Variants in KDM3B observed in about 807,000 individuals in gnomAD.
KDM3B encodes lysine-specific demethylase 3B.
Under a neutral mutation model 170.0 loss-of-function variants are expected in KDM3B, and 10 were observed. The observed-to-expected ratio is 0.06, with a 90% confidence interval of 0.04 to 0.10. The LOEUF is 0.10. KDM3B is among the 10% of genes least tolerant of loss of function. The pLI is 1.00. For synonymous variants in KDM3B, 831 were observed against 834.8 expected, an observed-to-expected ratio of 1.00 and a Z score of 0.08; for missense variants, 1,394 against 2,195.2, an observed-to-expected ratio of 0.64 and a Z score of 7.29.
chr5:138,397,988 C>T, intron 9 of KDM3B, 190 bp from the exon 10 acceptor site: 1 of 538,304 alleles, frequency 1.9e-6, no homozygotes. Context: ...TTTAAAGAAT[C>T]TAGACCTACT....
chr5:138,434,293 T>C (rs998277155), intron 23 of KDM3B, among the ~76,000 whole-genome samples: 40 of 152,016 alleles, frequency 2.6e-4, no homozygotes, highest in Non-Finnish European at 5.0e-4. Flanking sequence ...CTCACGCCTG[T>C]AATCCCAACA....
chr5:138,355,260 G>A (rs1316357251), intron 1 of KDM3B, among the ~76,000 whole-genome samples: 2 of 152,006 alleles, frequency 1.3e-5, no homozygotes, highest in African/African-American at 4.8e-5. Context: ...GTAATTGAGG[G>A]TTGGATGAAT....
intron 15 of KDM3B, among the ~76,000 whole-genome samples, chr5:138,421,499 A>G (rs1039020438): frequency 1.3e-5 from 2 of 152,170 alleles, no homozygotes; most frequent in East Asian, 3.9e-4. Context: ...TCTTCAAACT[A>G]TATTCAGAAT....
At chr5:138,362,692 T>C (rs1444260394) in intron 1 of KDM3B, among the ~76,000 whole-genome samples, 1 of 149,292 alleles carries the variant, frequency 6.7e-6, no homozygotes, top group Non-Finnish European at 1.5e-5. Context: ...ATTATTTCTA[T>C]AATTTTATTA....
chr5:138,414,802 C>T (rs1236255263), intron 11 of KDM3B, among the ~76,000 whole-genome samples: 1 of 152,072 alleles, frequency 6.6e-6, no homozygotes, highest in Non-Finnish European at 1.5e-5. Flanking sequence ...CAAAAAAATA[C>T]AAACATTAGT....
chr5:138,355,538 T>C (rs1245498199), intron 1 of KDM3B, among the ~76,000 whole-genome samples: 1 of 152,244 alleles, frequency 6.6e-6, no homozygotes, highest in Non-Finnish European at 1.5e-5. Flanking sequence ...GACAAATTAC[T>C]CAGATGTTTA....
At chr5:138,394,634 CAAAG>C (rs1338387620) in intron 9 of KDM3B, among the ~76,000 whole-genome samples, 2 of 152,050 alleles carry the variant, frequency 1.3e-5, no homozygotes, top group African/African-American at 4.8e-5. Context: ...ATAGAATAAA[CAAAG>C]AAGGAAAAGG....
chr5:138,435,543 A>G (rs1422429759), intron 23 of KDM3B, 77 bp from the exon 24 acceptor site: 1 of 1,155,284 alleles, frequency 8.7e-7, no homozygotes. Flanking sequence ...CCACTAAACC[A>G]GTAGGCTTAC....
chr5:138,405,904 T>A (rs949039153), intron 11 of KDM3B, among the ~76,000 whole-genome samples: 1 of 152,194 alleles, frequency 6.6e-6, no homozygotes, highest in Non-Finnish European at 1.5e-5. Flanking sequence ...GAAGATAGAC[T>A]TTGATAAGTT....
At chr5:138,359,176 T>A (rs1263197036) in intron 1 of KDM3B, among the ~76,000 whole-genome samples, 6 of 152,022 alleles carry the variant, frequency 3.9e-5, no homozygotes, top group Admixed American at 6.6e-5. Flanking sequence ...TTATTTTTTT[T>A]TTTTAGACAC....
intron 1 of KDM3B, among the ~76,000 whole-genome samples, chr5:138,359,384 ACTC>A (rs1452607018): frequency 6.8e-6 from 1 of 147,168 alleles, no homozygotes; most frequent in African/African-American, 2.5e-5. Context: ...CTGGTCTTGA[ACTC>A]CTGACCTCAG....
Position 138,388,428 on chromosome 5 carries a change from C to T in KDM3B, c.1380+1807C>T, listed in dbSNP as rs369493551. On this transcript the variant is annotated intron_variant, in intron 7 of 23. Coordinates refer to ENST00000314358, the MANE Select transcript of KDM3B (RefSeq NM_016604.4). ...CGGGCGGATCACGAGGTCAGGAGATCGAGACCATCCTGGCTAACACGGTGA... is the reference window on the plus strand; with the variant it reads ...CGGGCGGATCACGAGGTCAGGAGATTGAGACCATCCTGGCTAACACGGTGA... Among the ~76,000 whole-genome samples the T allele has an allele frequency of 4.4e-3, 666 of 151,920 alleles. 1 individual carries two copies. The highest frequency in any genetic ancestry group is 0.011 in the African/African-American group (467 of 41,452).
At chr5:138,389,000 T>A (rs1229102667) in intron 7 of KDM3B, among the ~76,000 whole-genome samples, 1 of 152,248 alleles carries the variant, frequency 6.6e-6, no homozygotes, top group African/African-American at 2.4e-5. Flanking sequence ...ATCCAAATTA[T>A]TTTTCATTCA....
intron 14 of KDM3B, 24 bp from the exon 15 acceptor site, chr5:138,420,682 C>T: frequency 6.2e-7 from 1 of 1,612,396 alleles, no homozygotes; most frequent in Non-Finnish European, 8.5e-7. Context: ...GTACCTAATG[C>T]TGTTCCTGGT....
intron 3 of KDM3B, among the ~76,000 whole-genome samples, chr5:138,376,866 A>C (rs1055074544): frequency 6.6e-6 from 1 of 152,200 alleles, no homozygotes; most frequent in African/African-American, 2.4e-5. Flanking sequence ...GGACAAGTTA[A>C]TAGTTAAAAC....
At chr5:138,390,771 G>A (rs886974028) in intron 7 of KDM3B, among the ~76,000 whole-genome samples, 1 of 152,160 alleles carries the variant, frequency 6.6e-6, no homozygotes, top group African/African-American at 2.4e-5. Context: ...GGAATTGCAG[G>A]ATGAATGACA....
rs141005932 is a variant in KDM3B at position 138,381,021 on chromosome 5, C to T, written c.706-495C>T. 4.3e-3 allele frequency among the ~76,000 whole-genome samples: 655 copies of T among 152,176 alleles called. 2 individuals are homozygous for T. Among genetic ancestry groups the T allele is most frequent in the African/African-American group, 0.015 (628 of 41,532 alleles). On this transcript the variant is annotated intron_variant, in intron 5 of 23. Coordinates refer to ENST00000314358, the MANE Select transcript of KDM3B (RefSeq NM_016604.4). ...TCCTGATTCGCTGAGATTACAGACA[C>T]GCCACCACACCCAGCTAATTTTTTG...
rs1220021850 is a variant in KDM3B at position 138,425,272 on chromosome 5, G to GA, written c.4240-138dup. 56 of 665,668 alleles carry GA rather than the reference G, an allele frequency of 8.4e-5. No homozygotes were observed. In the East Asian group the frequency reaches 1.5e-3, roughly 18 times the overall value. 41.2% of individuals were successfully genotyped at this position (665,668 alleles called of 1,614,324 possible). A position where few individuals can be genotyped will look rare whatever the true frequency, so the allele number is the denominator to read the frequency against. On this transcript the variant is annotated intron_variant, in intron 16 of 23. Coordinates refer to ENST00000314358, the MANE Select transcript of KDM3B (RefSeq NM_016604.4). Reference sequence around the variant, plus strand: ...TTTAGTTGACATGTGGAAATCCATGGATTATACAACTAGGAAAGAACAGTA... The same window carrying GA: ...TTTAGTTGACATGTGGAAATCCATGGAATTATACAACTAGGAAAGAACAGTA...
Position 138,400,024 on chromosome 5 carries a change from TTGTCCTG to T in KDM3B, c.3199+16_3199+22del, listed in dbSNP as rs774268596. On this transcript the variant is annotated intron_variant, in intron 11 of 23. Coordinates refer to ENST00000314358, the MANE Select transcript of KDM3B (RefSeq NM_016604.4). ...CCGGCCACGCAGTGGTAAGTAAACA[TTGTCCTG>T]TGTAGCTCGAAAGGTAACGTGGAGG... 5.6e-6 allele frequency: 9 copies of T among 1,613,572 alleles called. No homozygotes were observed. The African/African-American group carries it at 9.3e-5, about 17-fold the overall frequency.
Sources: allele counts gnomAD v4.1 joint callset (sites outside exome capture counted in the v4.1 genomes callset), GRCh38; gene constraint gnomAD v4.1.1; transcripts MANE v1.5; gene names NCBI Gene and HGNC (gene_info 2026-07-23, HGNC 2026-07-21).